Variants in CDC14B observed in about 807,000 individuals in gnomAD.
The protein encoded by CDC14B is dual specificity protein phosphatase CDC14B.
In CDC14B, 22 loss-of-function variants were observed where a neutral mutation model predicts 64.2. The ratio of observed to expected loss-of-function variants is 0.34; its 90% CI spans 0.24 to 0.49. The LOEUF (loss-of-function observed/expected upper bound fraction) is 0.49. Among genes scored for constraint, CDC14B ranks in the 20% least tolerant of loss-of-function variants. CDC14B has a pLI of 0.99. For synonymous variants in CDC14B, 191 were observed against 215.8 expected, an observed-to-expected ratio of 0.89 and a Z score of 1.01; for missense variants, 498 against 629.9, an observed-to-expected ratio of 0.79 and a Z score of 2.24.
intron 1 of CDC14B, among the ~76,000 whole-genome samples, chr9:96,618,344 A>T (rs1847768083): frequency 6.6e-6 from 1 of 152,242 alleles, no homozygotes; most frequent in Non-Finnish European, 1.5e-5. Context: ...CTGTTTACAC[A>T]GCGTTGCCAC....
At chr9:96,568,745 G>A (rs1365536046) in intron 1 of CDC14B, among the ~76,000 whole-genome samples, 2 of 152,068 alleles carry the variant, frequency 1.3e-5, no homozygotes, top group Non-Finnish European at 2.9e-5. Context: ...GTGAAACCCT[G>A]ACTCTACTAA....
chr9:96,532,163 T>A (rs897867608), intron 9 of CDC14B, among the ~76,000 whole-genome samples: 2 of 152,266 alleles, frequency 1.3e-5, no homozygotes, highest in Non-Finnish European at 2.9e-5. Context: ...CTAGCTTTTA[T>A]AATGGTCCAT....
chr9:96,548,947 G>A (rs1262352298), intron 5 of CDC14B, among the ~76,000 whole-genome samples: 1 of 152,082 alleles, frequency 6.6e-6, no homozygotes, highest in East Asian at 1.9e-4. Context: ...TACTTTGTTG[G>A]TCATATTTAT....
chr9:96,566,530 G>A (rs1253072921), intron 1 of CDC14B, among the ~76,000 whole-genome samples: 1 of 152,190 alleles, frequency 6.6e-6, no homozygotes, highest in African/African-American at 2.4e-5. Flanking sequence ...CAAGGATCTC[G>A]CTCCCGCGGG....
At chr9:96,518,859 G>A (rs749964407) in intron 12 of CDC14B, among the ~76,000 whole-genome samples, 16 of 152,074 alleles carry the variant, frequency 1.1e-4, no homozygotes, top group Admixed American at 4.6e-4. Context: ...TTTTCCGGCC[G>A]GGTGCAGTGG....
chr9:96,589,206 G>T (rs1391289353), intron 1 of CDC14B, among the ~76,000 whole-genome samples: 1 of 152,040 alleles, frequency 6.6e-6, no homozygotes, highest in African/African-American at 2.4e-5. Flanking sequence ...GGGCGTGGTG[G>T]CATGCGCCTG....
chr9:96,536,933 A>C (rs1839354664), intron 7 of CDC14B, among the ~76,000 whole-genome samples: 2 of 152,190 alleles, frequency 1.3e-5, no homozygotes, highest in Admixed American at 6.5e-5. Context: ...ATGTTAAAAA[A>C]CATAGAACAC....
chr9:96,587,457 T>C (rs998983311), intron 1 of CDC14B, among the ~76,000 whole-genome samples: 1 of 152,216 alleles, frequency 6.6e-6, no homozygotes, highest in Non-Finnish European at 1.5e-5. Context: ...TCCTTCTGCC[T>C]TGAGGGCCTT....
At chr9:96,607,292 AG>A (rs1177398019) in intron 1 of CDC14B, among the ~76,000 whole-genome samples, 3 of 151,940 alleles carry the variant, frequency 2.0e-5, no homozygotes, top group Non-Finnish European at 4.4e-5. Context: ...CCCATGGATA[AG>A]GGATGCTTTG....
At chr9:96,592,944 T>C (rs1044845868) in intron 1 of CDC14B, among the ~76,000 whole-genome samples, 3 of 152,210 alleles carry the variant, frequency 2.0e-5, no homozygotes, top group Admixed American at 2.0e-4. Context: ...TGTAGTATTA[T>C]GGAGGTTACA....
chr9:96,546,001 A>G (rs1356498260), intron 5 of CDC14B, among the ~76,000 whole-genome samples: 1 of 152,214 alleles, frequency 6.6e-6, no homozygotes, highest in Non-Finnish European at 1.5e-5. Flanking sequence ...GATCCTTGTC[A>G]CCAAGATCAT....
Position 96,515,681 on chromosome 9 carries a change from C to T in CDC14B, c.1344-5892G>A, listed in dbSNP as rs761441470. 7.5e-6 allele frequency: 12 copies of T among 1,595,282 alleles called. No individual in the cohort carries two copies. The highest frequency in any genetic ancestry group is 1.0e-5 in the Non-Finnish European group (12 of 1,171,326). On this transcript the variant is annotated intron_variant, in intron 12 of 13. Transcript: ENST00000375241. This position sits in a 1 kb window ranked among gnomAD's most constrained non-coding sequence, Gnocchi z 4.3. The stretch of plus-strand genomic sequence containing the variant: ...ATCTGTCAGGGGGTCCTGATGGCTA[C>T]TGTGTTCTGAAACCATCGAGACAGA...
intron 4 of CDC14B, among the ~76,000 whole-genome samples, chr9:96,555,124 A>G (rs1842331553): frequency 6.6e-6 from 1 of 152,194 alleles, no homozygotes; most frequent in African/African-American, 2.4e-5. Context: ...AACCCCAAAG[A>G]GTCTCATCTG....
rs1341457172 is a variant in CDC14B, at chr9:96,523,677, T to C, written c.995A>G (p.His332Arg). The C allele has an allele frequency of 1.9e-6, 3 of 1,614,140 alleles. No individual in the cohort carries two copies. Among genetic ancestry groups the C allele is most frequent in the Admixed American group, 1.7e-5 (1 of 60,020 alleles). Residue 332 changes from histidine (H) to arginine (R), a missense_variant, in exon 10 of 14, where the codon CAT becomes CGT. By Grantham distance (29) the His-to-Arg change is conservative. Transcript: ENST00000375241. ...GTLIACYIMK[H>R]YRMTAAETIA... ...GGTCTCGGCTGCTGTCATCCTGTAA[T>C]GCTTCATGATGTAGCAGGCTATCAG...
chr9:96,607,233 T>C (rs1027709347), intron 1 of CDC14B, among the ~76,000 whole-genome samples: 1 of 151,892 alleles, frequency 6.6e-6, no homozygotes, highest in Non-Finnish European at 1.5e-5. Flanking sequence ...GTCTTCTGAA[T>C]CCATAAATTT....
chr9:96,590,381 C>T (rs1298222993), intron 1 of CDC14B, among the ~76,000 whole-genome samples: 2 of 152,280 alleles, frequency 1.3e-5, no homozygotes, highest in East Asian at 3.9e-4. Context: ...TTTTCTTTTT[C>T]CATTCATCTG....
chr9:96,584,583 A>T (rs1242323683), intron 1 of CDC14B, among the ~76,000 whole-genome samples: 1 of 152,230 alleles, frequency 6.6e-6, no homozygotes, highest in Non-Finnish European at 1.5e-5. Flanking sequence ...TAAGCATTTC[A>T]AAGGGGAAAA....
chr9:96,604,559 T>C (rs990652285), intron 1 of CDC14B, among the ~76,000 whole-genome samples: 2 of 150,932 alleles, frequency 1.3e-5, no homozygotes, highest in Non-Finnish European at 2.9e-5. Flanking sequence ...TTTGTATTTT[T>C]AGTAGAGACA....
At chr9:96,526,657 A>T (rs992217370) in intron 9 of CDC14B, among the ~76,000 whole-genome samples, 5 of 152,346 alleles carry the variant, frequency 3.3e-5, no homozygotes, top group African/African-American at 1.2e-4. Flanking sequence ...CCCTAAACAA[A>T]GATGCAATCA....
Sources: gnomAD v4.1 joint callset for allele counts (sites outside exome capture counted in the v4.1 genomes callset) on GRCh38, gnomAD v4.1.1 for gene constraint, Gnocchi (gnomAD v3.1) non-coding constraint, MANE v1.5 for transcripts, NCBI Gene and HGNC (gene_info 2026-07-23, HGNC 2026-07-21) for gene names.